SRRM3: variants seen among roughly 807,000 people sequenced by gnomAD.
SRRM3 encodes the protein serine/arginine repetitive matrix 3.
A neutral mutation model predicts 66.2 loss-of-function variants in SRRM3; 27 were observed. The observed-to-expected ratio is 0.41, with a 90% CI of 0.30 to 0.56. The LOEUF is 0.56. SRRM3 is among the 20% of genes least tolerant of loss of function. The pLI, the probability that SRRM3 is intolerant of heterozygous loss-of-function variation, is 0.32. For synonymous variants in SRRM3, 391 were observed against 414.9 expected, an observed-to-expected ratio of 0.94 and a Z score of 0.70; for missense variants, 918 against 991.9, an observed-to-expected ratio of 0.93 and a Z score of 1.00.
chr7:76,275,514 A>G (rs547844769), intron 11 of SRRM3, among the ~76,000 whole-genome samples: 240 of 151,730 alleles, frequency 1.6e-3, no homozygotes, highest in African/African-American at 4.8e-3. Flanking sequence ...AAAAAAAAAA[A>G]AAAGAAAAGA....
intron 1 of SRRM3, among the ~76,000 whole-genome samples, chr7:76,223,817 T>TTTGCC (rs1800781164): frequency 7.3e-6 from 1 of 136,338 alleles, no homozygotes; most frequent in Non-Finnish European, 1.6e-5. Flanking sequence ...GCCCTTGGCT[T>TTTGCC]TTGCCTTCCC....
chr7:76,222,456 G>A (rs142270924), intron 1 of SRRM3, among the ~76,000 whole-genome samples: 5 of 149,228 alleles, frequency 3.4e-5, no homozygotes, highest in Non-Finnish European at 5.9e-5. Flanking sequence ...TTTCCAAAAT[G>A]CAAATCTGAC....
chr7:76,211,901 G>T (rs142284694), intron 1 of SRRM3, among the ~76,000 whole-genome samples: 3 of 148,530 alleles, frequency 2.0e-5, no homozygotes, highest in African/African-American at 7.4e-5. Context: ...GTGCAGTGGC[G>T]CAATCACGGC....
At chr7:76,278,130 G>A (rs782276929) in intron 11 of SRRM3, among the ~76,000 whole-genome samples, 3 of 152,170 alleles carry the variant, frequency 2.0e-5, no homozygotes, top group Non-Finnish European at 4.4e-5. Flanking sequence ...CTCCTGGAGT[G>A]GGGGGAGTAT....
intron 8 of SRRM3, among the ~76,000 whole-genome samples, chr7:76,264,043 G>A (rs1345411432): frequency 1.3e-5 from 2 of 151,858 alleles, no homozygotes; most frequent in Admixed American, 1.3e-4. Flanking sequence ...CAATACTCAA[G>A]GGAATGAGTA....
At position 76,281,934 on chromosome 7, in the gene SRRM3, C is replaced by G. The variant is rs1340818090; in HGVS notation, c.1370+132C>G. 9.7e-6 allele frequency: 6 copies of G among 620,290 alleles called. No individual in the cohort carries two copies. In the African/African-American group the frequency reaches 1.1e-4, roughly 11 times the overall value. The allele number at this position is 620,290 out of a possible 1,614,324, so 38.4% of individuals were successfully genotyped here. A position where few individuals can be genotyped will look rare whatever the true frequency, so the allele number is the denominator to read the frequency against. On this transcript the variant is annotated intron_variant, in intron 12 of 14. Coordinates refer to ENST00000611745, the MANE Select transcript of SRRM3 (RefSeq NM_001110199.3). Reference sequence around the variant, plus strand: ...TCCAGGGATCCCAACCCCCTCCCACCGAGCTACCCCCATGGATTCCACCCC... The same window carrying G: ...TCCAGGGATCCCAACCCCCTCCCACGGAGCTACCCCCATGGATTCCACCCC...
At chr7:76,212,710 C>A (rs1800464291) in intron 1 of SRRM3, among the ~76,000 whole-genome samples, 2 of 152,048 alleles carry the variant, frequency 1.3e-5, no homozygotes, top group Admixed American at 1.3e-4. Flanking sequence ...CTCAAGTGAT[C>A]CTCCCACCTT....
intron 1 of SRRM3, among the ~76,000 whole-genome samples, chr7:76,228,415 C>G (rs1800932698): frequency 6.6e-6 from 1 of 152,008 alleles, no homozygotes; most frequent in Admixed American, 6.6e-5. Context: ...ATCAGAAACT[C>G]TGGGGGCGAA....
At chr7:76,254,929 G>A (rs925459543) in intron 3 of SRRM3, among the ~76,000 whole-genome samples, 1 of 151,874 alleles carries the variant, frequency 6.6e-6, no homozygotes, top group Non-Finnish European at 1.5e-5. Flanking sequence ...GAATGTGGGG[G>A]TGTTTGGCTC....
At chr7:76,246,193 C>T (rs782419780) in intron 2 of SRRM3, among the ~76,000 whole-genome samples, 57 of 152,164 alleles carry the variant, frequency 3.7e-4, no homozygotes, top group Admixed American at 2.0e-4. Flanking sequence ...ATAATGACAT[C>T]ACCTCCATGA....
rs1801111467 is a variant in SRRM3, at chr7:76,235,179, A to T, written c.113A>T (p.Glu38Val). The T allele has an allele frequency of 6.5e-7, 1 of 1,550,282 alleles. No homozygotes were observed. The highest frequency in any genetic ancestry group is 8.6e-7 in the Non-Finnish European group (1 of 1,156,168). The change falls in exon 2 of 15, where the codon GAG becomes GTG. Residue 38 changes from glutamate to valine, a missense_variant. Physicochemically the swap from Glu to Val is moderately radical, Grantham distance 121 (BLOSUM62 -2). Coordinates refer to ENST00000611745, the MANE Select transcript of SRRM3 (RefSeq NM_001110199.3). Reference sequence around the variant, plus strand: ...GGGACCTGGCCGCGGGCGGAAGAGGAGCTGCGCGCCGCGGAGCCGGGCCTG... The same window carrying T: ...GGGACCTGGCCGCGGGCGGAAGAGGTGCTGCGCGCCGCGGAGCCGGGCCTG... ...SSGTWPRAEE[E>V]LRAAEPGLVK...
At chr7:76,217,694 G>A (rs921305941) in intron 1 of SRRM3, among the ~76,000 whole-genome samples, 1 of 152,214 alleles carries the variant, frequency 6.6e-6, no homozygotes, top group Admixed American at 6.6e-5. Flanking sequence ...GTATGGGCAG[G>A]AGGGGTCTAG....
In SRRM3 at chr7:76,265,401, C is replaced by T; in HGVS notation, c.763C>T (p.His255Tyr). Residue 255 changes from histidine to tyrosine, a missense_variant, in exon 10 of 15, where the codon CAT becomes TAT. Coordinates refer to ENST00000611745, the MANE Select transcript of SRRM3 (RefSeq NM_001110199.3). ...GTCCCCAGGCCGGAGGTCTCATCGC[C>T]ATAGCAGTGGCAGCTCCCACAGCCC... ...TESPGRRSHRHSSGSSHSPSL... is the reference protein window; with the variant it reads ...TESPGRRSHRYSSGSSHSPSL... 1 of 1,605,444 alleles carries T rather than the reference C, an allele frequency of 6.2e-7. No individual in the cohort carries two copies. Among genetic ancestry groups the T allele is most frequent in the Non-Finnish European group, 8.5e-7 (1 of 1,176,354 alleles).
intron 3 of SRRM3, among the ~76,000 whole-genome samples, chr7:76,257,035 GT>G: frequency 6.6e-6 from 1 of 152,178 alleles, no homozygotes; most frequent in South Asian, 2.1e-4. Context: ...ACTGCAACCT[GT>G]TTTATCAGCG....
chr7:76,265,347 TC>T lies in SRRM3; in HGVS notation c.726-12del. ...GGCAGAATTGAGGTACAGGCTGATT[TC>T]CCCCATCCACGCCAGGCCTCACACA... On this transcript the variant is annotated splice_polypyrimidine_tract_variant and intron_variant, in intron 9 of 14. Transcript: ENST00000611745. 6.3e-7 allele frequency: 1 copy of T among 1,578,162 alleles called. No individual in the cohort carries two copies. The highest frequency in any genetic ancestry group is 1.8e-5 in the Admixed American group (1 of 56,468).
chr7:76,277,094 G>C (rs908713284), intron 11 of SRRM3, among the ~76,000 whole-genome samples: 1 of 152,214 alleles, frequency 6.6e-6, no homozygotes, highest in African/African-American at 2.4e-5. Context: ...GGCCATGGCA[G>C]GCCCGTGACT....
In SRRM3 at chr7:76,275,476, G is replaced by A. The variant is rs374670204; in HGVS notation, c.1009-5965G>A. Among the ~76,000 whole-genome samples the A allele has an allele frequency of 7.2e-4, 104 of 144,104 alleles. No individual in the cohort carries two copies. In the Middle Eastern group the frequency reaches 0.012, roughly 17 times the overall value. The allele number at this position is 144,104 out of a possible 152,430, so 94.5% of individuals were successfully genotyped here. On this transcript the variant is annotated intron_variant, in intron 11 of 14. Coordinates refer to ENST00000611745, the MANE Select transcript of SRRM3 (RefSeq NM_001110199.3). ...TGCACTCCAGCCTGGGCAACAGAGC[G>A]AGACTCAGTCCCTGCTCCCTCAAAA...
intron 11 of SRRM3, among the ~76,000 whole-genome samples, chr7:76,275,108 AAAAAAAAAAAAAAG>A (rs1265219907): frequency 1.3e-5 from 2 of 150,236 alleles, no homozygotes; most frequent in African/African-American, 4.9e-5. Context: ...TCAGTCTCAA[AAAAAAAAAAAAAAG>A]AAAAAGAAAA....
chr7:76,262,882 G>C (rs1391598644), intron 8 of SRRM3, among the ~76,000 whole-genome samples: 2 of 152,036 alleles, frequency 1.3e-5, no homozygotes, highest in Non-Finnish European at 2.9e-5. Flanking sequence ...GGAAAGGAGA[G>C]GAGAGGAGAG....
Sources: gnomAD v4.1 joint callset for allele counts (sites outside exome capture counted in the v4.1 genomes callset) on GRCh38, gnomAD v4.1.1 for gene constraint, MANE v1.5 for transcripts, NCBI Gene and HGNC (gene_info 2026-07-23, HGNC 2026-07-21) for gene names.